AMY2B: variants seen among roughly 807,000 people sequenced by gnomAD.
AMY2B encodes the protein alpha-amylase 2B.
A neutral mutation model predicts 59.3 loss-of-function variants in AMY2B; 63 were observed. That is an observed-to-expected ratio of 1.06 (90% CI 0.87 to 1.31). The LOEUF (loss-of-function observed/expected upper bound fraction) is 1.31. AMY2B is among the 50% of genes most tolerant of loss of function. AMY2B has a pLI of 0.00. For missense variants in AMY2B, 635 were observed against 626.7 expected, an observed-to-expected ratio of 1.01 and a Z score of -0.14; for synonymous variants, 180 against 198.1, an observed-to-expected ratio of 0.91 and a Z score of 0.77.
chr1:103,557,145 C>G (rs537883721), intron 1 of AMY2B, among the ~76,000 whole-genome samples: 213 of 150,596 alleles, frequency 1.4e-3, no homozygotes, highest in African/African-American at 5.2e-3. Flanking sequence ...AAAGCGTGCG[C>G]GCGCGCACAC....
chr1:103,572,123 A>C lies in AMY2B; in HGVS notation c.182A>C (p.Asn61Thr). ...GFGGVQVSPP[N>T]ENVAIHNPFR... ...TTTAATTTGTAGGTCTCTCCACCAA[A>C]TGAAAATGTTGCAATTCACAACCCT... The change falls in exon 2 of 10, where the codon AAT becomes ACT. Residue 61 changes from asparagine (N) to threonine (T), a missense_variant. Physicochemically the swap from Asn to Thr is moderately conservative, Grantham distance 65. Transcript: ENST00000684275. 1 of 1,611,694 alleles carries C rather than the reference A, an allele frequency of 6.2e-7. No homozygotes were observed. The highest frequency in any genetic ancestry group is 8.5e-7 in the Non-Finnish European group (1 of 1,179,690).
chr1:103,566,305 C>CTGG (rs1651910418), intron 2 of AMY2B, among the ~76,000 whole-genome samples: 1 of 152,106 alleles, frequency 6.6e-6, no homozygotes, highest in African/African-American at 2.4e-5. Flanking sequence ...TGTGTATGGA[C>CTGG]ATATCCCTTC....
At chr1:103,563,190 G>A (rs763199043) in intron 1 of AMY2B, among the ~76,000 whole-genome samples, 5 of 151,950 alleles carry the variant, frequency 3.3e-5, no homozygotes, top group South Asian at 2.1e-4. Context: ...TTGCTTTGTC[G>A]TCAGGATATT....
chr1:103,555,274 C>A (rs2101057079), intron 1 of AMY2B: 1 of 151,714 alleles, frequency 6.6e-6, no homozygotes, highest in South Asian at 2.1e-4. Context: ...TGGTTTAACA[C>A]ATCTAGGAAA....
intron 2 of AMY2B, among the ~76,000 whole-genome samples, chr1:103,566,196 A>G (rs948732451): frequency 2.0e-5 from 3 of 152,086 alleles, no homozygotes; most frequent in Non-Finnish European, 4.4e-5. Flanking sequence ...CCTTATTCCC[A>G]TCTGTCAGAA....
chr1:103,575,794 T>G (rs1336338566), intron 7 of AMY2B: 1 of 446,836 alleles, frequency 2.2e-6, no homozygotes. Flanking sequence ...AAAAAACCAC[T>G]TAAAAATAAG....
chr1:103,571,451 C>T (rs1368665767), upstream of AMY2B: 6 of 1,457,846 alleles, frequency 4.1e-6, no homozygotes, highest in Non-Finnish European at 5.6e-6. Context: ...ATGTTCTTCT[C>T]CTGTTAGGAT....
intron 1 of AMY2B, among the ~76,000 whole-genome samples, chr1:103,564,290 T>C (rs1651833217): frequency 6.6e-6 from 1 of 152,080 alleles, no homozygotes; most frequent in Admixed American, 6.6e-5. Flanking sequence ...AATAATTGCG[T>C]TTTCACATTT....
At chr1:103,566,710 A>G (rs1651922964), upstream of AMY2B, among the ~76,000 whole-genome samples, 1 of 152,128 alleles carries the variant, frequency 6.6e-6, no homozygotes, top group East Asian at 1.9e-4. Flanking sequence ...CTTATTATCA[A>G]ATCCTGTCTT....
At chr1:103,573,621 G>C (rs1652224859) in intron 3 of AMY2B, 87 bp from the exon 4 acceptor site, 4 of 1,571,242 alleles carry the variant, frequency 2.5e-6, no homozygotes, top group Non-Finnish European at 3.5e-6. Flanking sequence ...ATCTCTTGAG[G>C]AATCATGGAA....
intron 2 of AMY2B, among the ~76,000 whole-genome samples, chr1:103,566,081 C>A (rs1651899889): frequency 6.6e-6 from 1 of 152,136 alleles, no homozygotes. Flanking sequence ...GTATTGACTT[C>A]TTGCCATTTT....
intron 1 of AMY2B, among the ~76,000 whole-genome samples, chr1:103,555,948 G>C (rs1419549906): frequency 1.3e-5 from 2 of 152,056 alleles, no homozygotes; most frequent in East Asian, 1.9e-4. Context: ...CAAATAGAAG[G>C]GTTCGTTTTA....
chr1:103,579,515 T>A lies in AMY2B; in HGVS notation c.*15T>A, dbSNP rs748061171. On this transcript the variant is annotated 3_prime_UTR_variant, in exon 10 of 10. Transcript: ENST00000684275. ...CTAAATTATAAAATTTAAAATTAAATGCATATCCTCAAAACAATAGCCAAG... is the reference window on the plus strand; with the variant it reads ...CTAAATTATAAAATTTAAAATTAAAAGCATATCCTCAAAACAATAGCCAAG... 6.2e-7 allele frequency: 1 copy of A among 1,607,448 alleles called. No individual in the cohort carries two copies. Among genetic ancestry groups the A allele is most frequent in the Non-Finnish European group, 8.5e-7 (1 of 1,178,170 alleles).
At chr1:103,560,331 G>A (rs1223295515) in intron 1 of AMY2B, among the ~76,000 whole-genome samples, 1 of 152,056 alleles carries the variant, frequency 6.6e-6, no homozygotes, top group Non-Finnish European at 1.5e-5. Context: ...AATTATAAAT[G>A]TACAACCATT....
upstream of AMY2B, chr1:103,568,498 C>T (rs959835137): frequency 1.3e-5 from 2 of 152,096 alleles, no homozygotes; most frequent in Admixed American, 6.5e-5. Flanking sequence ...AGATTTTAAA[C>T]GTTTTCTTAA....
At chr1:103,559,178 G>A (rs1651656844) in intron 1 of AMY2B, among the ~76,000 whole-genome samples, 1 of 152,196 alleles carries the variant, frequency 6.6e-6, no homozygotes, top group Non-Finnish European at 1.5e-5. Context: ...GGTGAATACA[G>A]TCGTGCACCG....
chr1:103,574,126 AG>A (rs1240432041), intron 4 of AMY2B, 133 bp from the exon 5 acceptor site: 1 of 1,477,896 alleles, frequency 6.8e-7, no homozygotes, highest in Non-Finnish European at 9.0e-7. Flanking sequence ...CAAGACAAAA[AG>A]AAATAATAAA....
intron 2 of AMY2B, among the ~76,000 whole-genome samples, chr1:103,572,859 A>T (rs1225014946): frequency 6.6e-6 from 1 of 152,174 alleles, no homozygotes; most frequent in East Asian, 1.9e-4. Context: ...ATTACTATAA[A>T]TATTTGACCA....
intron 1 of AMY2B, among the ~76,000 whole-genome samples, chr1:103,557,346 T>G (rs1468155467): frequency 6.6e-6 from 1 of 152,130 alleles, no homozygotes; most frequent in Non-Finnish European, 1.5e-5. Flanking sequence ...TTTAAAAGGT[T>G]ATCAATTAGA....
Sources: gnomAD v4.1 joint callset for allele counts (sites outside exome capture counted in the v4.1 genomes callset) on GRCh38, gnomAD v4.1.1 for gene constraint, MANE v1.5 for transcripts, NCBI Gene and HGNC (gene_info 2026-07-23, HGNC 2026-07-21) for gene names.